The following ARL8B variants were observed in gnomAD, a reference collection of about 807,000 sequenced individuals.
ARL8B encodes ARF like GTPase 8B, also known as ADP-ribosylation factor-like protein 8B.
In ARL8B, 9 loss-of-function variants were observed where a neutral mutation model predicts 30.6. The observed-to-expected ratio is 0.29, with a 90% confidence interval of 0.18 to 0.51. The LOEUF is 0.51. ARL8B is among the 20% of genes least tolerant of loss of function. ARL8B has a pLI of 0.97. For missense variants in ARL8B, 130 were observed against 227.2 expected (o/e 0.57, Z 2.75); for synonymous variants, 74 against 76.0 (o/e 0.97, Z 0.14).
chr3:5,126,973 A>T (rs2054235285), intron 1 of ARL8B, among the ~76,000 whole-genome samples: 1 of 152,198 alleles, frequency 6.6e-6, no homozygotes, highest in Admixed American at 6.5e-5. Context: ...GTATTTTTTA[A>T]ATGGAAGTAT....
At chr3:5,170,410 C>A in intron 1 of ARL8B, 93 bp from the exon 2 acceptor site, 2 of 742,040 alleles carry the variant, frequency 2.7e-6, no homozygotes. Flanking sequence ...AAAATATTTA[C>A]TAAAATGGTT....
At chr3:5,152,666 T>G (rs1312029556) in intron 1 of ARL8B, among the ~76,000 whole-genome samples, 4 of 152,194 alleles carry the variant, frequency 2.6e-5, no homozygotes, top group Non-Finnish European at 5.9e-5. Context: ...TTAAATTTTT[T>G]GTAGAGATAG....
At chr3:5,127,559 T>A (rs1024630212) in intron 1 of ARL8B, among the ~76,000 whole-genome samples, 1 of 152,108 alleles carries the variant, frequency 6.6e-6, no homozygotes, top group Non-Finnish European at 1.5e-5. Flanking sequence ...GGAATGATAA[T>A]CTGTGGAAAG....
chr3:5,158,164 A>G (rs2054548259), intron 1 of ARL8B, among the ~76,000 whole-genome samples: 2 of 152,044 alleles, frequency 1.3e-5, no homozygotes, highest in Non-Finnish European at 2.9e-5. Context: ...CTGTATTTTT[A>G]GTAGAGGTAG....
At chr3:5,123,099 T>TA (rs2054197841) in intron 1 of ARL8B, among the ~76,000 whole-genome samples, 1 of 152,154 alleles carries the variant, frequency 6.6e-6, no homozygotes, top group Non-Finnish European at 1.5e-5. Flanking sequence ...CTTCCTGAAT[T>TA]CTGTGGGCCG....
intron 1 of ARL8B, among the ~76,000 whole-genome samples, chr3:5,145,454 C>A (rs1473669763): frequency 6.6e-6 from 1 of 152,130 alleles, no homozygotes; most frequent in African/African-American, 2.4e-5. Context: ...GTGGCAGCTA[C>A]TGCTTGTACA....
rs749498936 is a variant in ARL8B at position 5,127,519 on chromosome 3, A to G, written c.123+4931A>G. ...ATACTGACTAACATTTGAGGACTAT[A>G]TATTTATCTATGAACATGAATTAGG... On this transcript the variant is annotated intron_variant, in intron 1 of 6. Coordinates refer to ENST00000256496, the MANE Select transcript of ARL8B (RefSeq NM_018184.3). 4.7e-4 allele frequency among the ~76,000 whole-genome samples: 71 copies of G among 152,148 alleles called. 1 individual carries two copies. The highest frequency in any genetic ancestry group is 2.2e-3 in the Admixed American group (34 of 15,244).
At chr3:5,168,399 A>G (rs2054642033) in intron 1 of ARL8B, among the ~76,000 whole-genome samples, 1 of 152,198 alleles carries the variant, frequency 6.6e-6, no homozygotes, top group Admixed American at 6.5e-5. Flanking sequence ...TTCAACAAAT[A>G]TTTATTGAAT....
At chr3:5,175,417 A>G (rs1377276884) in intron 6 of ARL8B, among the ~76,000 whole-genome samples, 2 of 152,238 alleles carry the variant, frequency 1.3e-5, no homozygotes, top group Non-Finnish European at 2.9e-5. Context: ...GCTGTGCTTT[A>G]TAACAAAATG....
rs1452931333 is a variant in ARL8B at position 5,179,612 on chromosome 3, C to T, written c.*899C>T. 2 of 152,640 alleles carry T rather than the reference C, an allele frequency of 1.3e-5. No individual in the cohort carries two copies. Among genetic ancestry groups the T allele is most frequent in the Non-Finnish European group, 2.9e-5 (2 of 68,036 alleles). The allele number at this position is 152,640 out of a possible 1,614,324, so 9.5% of individuals were successfully genotyped here. On this transcript the variant is annotated 3_prime_UTR_variant, in exon 7 of 7. Coordinates refer to ENST00000256496, the MANE Select transcript of ARL8B (RefSeq NM_018184.3). ...TTCAAACATCTGTTTGTTCTATCTC[C>T]AGTCATTAAATCAGTGCTGCTGCAT... is the stretch of plus-strand genomic sequence containing the variant.
intron 1 of ARL8B, among the ~76,000 whole-genome samples, chr3:5,133,722 G>C (rs2054302602): frequency 1.3e-5 from 2 of 152,088 alleles, no homozygotes; most frequent in Non-Finnish European, 2.9e-5. Flanking sequence ...GAGCTCAGGA[G>C]TTCAAGGCCA....
intron 4 of ARL8B, among the ~76,000 whole-genome samples, chr3:5,173,756 G>A (rs1173769299): frequency 6.6e-6 from 1 of 152,066 alleles, no homozygotes; most frequent in Non-Finnish European, 1.5e-5. Context: ...AAGAATAGCA[G>A]AATGTGTATC....
intron 1 of ARL8B, chr3:5,156,839 T>C (rs13068579): frequency 0.41 from 62,578 of 151,304 alleles, 14,366 homozygotes; most frequent in African/African-American, 0.64. Flanking sequence ...TCCCTGTCCC[T>C]GCCTCCCCGC....
At chr3:5,156,614 C>T (rs1199720075) in intron 1 of ARL8B, among the ~76,000 whole-genome samples, 1 of 152,178 alleles carries the variant, frequency 6.6e-6, no homozygotes, top group Non-Finnish European at 1.5e-5. Context: ...TGGGGTTTTG[C>T]CATGTTGGCC....
chr3:5,156,919 T>C (rs1476905470), intron 1 of ARL8B: 2 of 152,186 alleles, frequency 1.3e-5, no homozygotes, highest in African/African-American at 2.4e-5. Flanking sequence ...ATTCTTCATA[T>C]GTTCAGTTAT....
chr3:5,164,584 G>C (rs2054608582), intron 1 of ARL8B, among the ~76,000 whole-genome samples: 1 of 152,166 alleles, frequency 6.6e-6, no homozygotes, highest in South Asian at 2.1e-4. Flanking sequence ...TGAAACATCG[G>C]AGGGTGAGGC....
intron 1 of ARL8B, among the ~76,000 whole-genome samples, chr3:5,154,128 G>A (rs2054512088): frequency 6.6e-6 from 1 of 151,884 alleles, no homozygotes; most frequent in South Asian, 2.1e-4. Context: ...ACCCTGCTTA[G>A]TGTTTGTTGT....
At chr3:5,130,151 A>G (rs1450245898) in intron 1 of ARL8B, among the ~76,000 whole-genome samples, 1 of 152,002 alleles carries the variant, frequency 6.6e-6, no homozygotes, top group Non-Finnish European at 1.5e-5. Context: ...GGCGTGAGCC[A>G]CTGCACCTGA....
intron 1 of ARL8B, among the ~76,000 whole-genome samples, chr3:5,150,340 G>C (rs761366373): frequency 7.9e-5 from 12 of 151,888 alleles, no homozygotes; most frequent in Non-Finnish European, 1.6e-4. Context: ...GCACACGCCT[G>C]TAATCCCAGC....
Sources: gnomAD v4.1 joint callset for allele counts (sites outside exome capture counted in the v4.1 genomes callset) on GRCh38, gnomAD v4.1.1 for gene constraint, MANE v1.5 for transcripts, NCBI Gene and HGNC (gene_info 2026-07-23, HGNC 2026-07-21) for gene names.